The following COL5A2 variants were observed in gnomAD, a reference collection of about 807,000 sequenced individuals.
The protein encoded by COL5A2 is collagen alpha-2(V) chain.
COL5A2 carries 23 observed loss-of-function variants against 208.2 expected under a neutral mutation model. The ratio of observed to expected loss-of-function variants is 0.11; its 90% confidence interval spans 0.08 to 0.16. The LOEUF is 0.16. COL5A2 is among the 10% of genes least tolerant of loss of function. The pLI is 1.00. For synonymous variants in COL5A2, 625 were observed against 628.5 expected, an observed-to-expected ratio of 0.99 and a Z score of 0.08; for missense variants, 1,590 against 1,956.4, an observed-to-expected ratio of 0.81 and a Z score of 3.53.
intron 12 of COL5A2, among the ~76,000 whole-genome samples, chr2:189,082,568 T>TTAC (rs1226126744): frequency 6.6e-6 from 1 of 152,242 alleles, no homozygotes; most frequent in Non-Finnish European, 1.5e-5. Context: ...AAATAATTAG[T>TTAC]TAACTTCAGT....
At chr2:189,428,584 C>G in the COL5A2 span, among the ~76,000 whole-genome samples, 1 of 152,036 alleles carries the variant, frequency 6.6e-6, no homozygotes, top group Admixed American at 6.6e-5. Flanking sequence ...TGCCACTGCA[C>G]TCCAGCCTCA....
chr2:189,043,003 T>A, intron 48 of COL5A2, 148 bp downstream of exon 48: 2 of 781,444 alleles, frequency 2.6e-6, no homozygotes, highest in South Asian at 3.1e-5. Flanking sequence ...TTATTGGCAA[T>A]TATCACTTGT....
chr2:189,255,528 C>T, the COL5A2 span, among the ~76,000 whole-genome samples: 2 of 152,164 alleles, frequency 1.3e-5, no homozygotes, highest in African/African-American at 2.4e-5. Context: ...AGAAAGACTA[C>T]ATTTATATTG....
chr2:189,378,664 C>T, the COL5A2 span, among the ~76,000 whole-genome samples: 5 of 149,862 alleles, frequency 3.3e-5, no homozygotes, highest in African/African-American at 1.2e-4. Flanking sequence ...GCGGAGCTTG[C>T]AGTGAGCAGA....
the COL5A2 span, among the ~76,000 whole-genome samples, chr2:189,351,363 T>C: frequency 6.6e-6 from 1 of 152,200 alleles, no homozygotes; most frequent in Non-Finnish European, 1.5e-5. Flanking sequence ...ACCTGGAATT[T>C]GGAAACAACC....
chr2:189,121,480 G>A (rs1424873043), intron 1 of COL5A2, among the ~76,000 whole-genome samples: 3 of 151,974 alleles, frequency 2.0e-5, no homozygotes, highest in African/African-American at 7.3e-5. Context: ...CAACTGGTAT[G>A]TCCATGGGAA....
chr2:189,311,166 C>A, the COL5A2 span: 2 of 702,316 alleles, frequency 2.8e-6, no homozygotes, highest in Non-Finnish European at 4.9e-6. Context: ...CACTGCACAG[C>A]CACTTTACAA....
the COL5A2 span, among the ~76,000 whole-genome samples, chr2:189,323,036 A>C: frequency 2.6e-5 from 4 of 152,222 alleles, no homozygotes; most frequent in African/African-American, 9.6e-5. Context: ...CAATAAACGT[A>C]ATACAGCATA....
At chr2:189,186,805 A>G (rs1688859071) in intron 1 of COL5A2, among the ~76,000 whole-genome samples, 1 of 152,244 alleles carries the variant, frequency 6.6e-6, no homozygotes, top group South Asian at 2.1e-4. Flanking sequence ...AATGCTATCT[A>G]TATCCAAATT....
the COL5A2 span, among the ~76,000 whole-genome samples, chr2:189,301,768 T>G: frequency 1.3e-5 from 2 of 152,164 alleles, no homozygotes; most frequent in Admixed American, 6.5e-5. Flanking sequence ...ATTTGACATA[T>G]TCATAAAATA....
intron 1 of COL5A2, among the ~76,000 whole-genome samples, chr2:189,114,219 A>G (rs549834570): frequency 1.3e-5 from 2 of 152,308 alleles, no homozygotes; most frequent in Admixed American, 6.5e-5. Context: ...ACAAGAATCC[A>G]TACACATCAC....
At chr2:189,073,611 A>G (rs1290554097) in intron 17 of COL5A2, among the ~76,000 whole-genome samples, 2 of 152,144 alleles carry the variant, frequency 1.3e-5, no homozygotes, top group Admixed American at 1.3e-4. Context: ...GAACAGATAA[A>G]GTTTACTACA....
chr2:189,035,129 A>C lies in COL5A2; in HGVS notation c.4140T>G (p.Pro1380=). Residue 1380 remains proline (P), a synonymous_variant, in exon 53 of 54, where the codon CCT becomes CCG. Coordinates refer to ENST00000374866, the MANE Select transcript of COL5A2 (RefSeq NM_000393.5). ...SQFAYGDHQS[P]NTAITQMTFL... is the part of the protein sequence containing the mutation. ...AAGTCATCTGAGTAATGGCTGTATT[A>C]GGTGATTGGTGGTCTCCATAAGCGA... is the stretch of plus-strand genomic sequence containing the variant. 1 of 1,613,912 alleles carries C rather than the reference A, an allele frequency of 6.2e-7. No homozygotes were observed. Among genetic ancestry groups the C allele is most frequent in the Non-Finnish European group, 8.5e-7 (1 of 1,179,868 alleles).
rs749459221 is a variant in COL5A2, at chr2:189,034,071, T to G, written c.4499A>C (p.Ter1500SerextTer14). 2 of 1,613,984 alleles carry G rather than the reference T, an allele frequency of 1.2e-6. No homozygotes were observed. The highest frequency in any genetic ancestry group is 8.5e-7 in the Non-Finnish European group (1 of 1,179,886). ...ATTGTCGATGTGTCTTGGCTTACTTTACACAAAACAAACTGGCCCAATTTC... is the reference window on the plus strand; with the variant it reads ...ATTGTCGATGTGTCTTGGCTTACTTGACACAAAACAAACTGGCCCAATTTC... ...GVEIGPVCFV[*>S] Residue 1500 changes from the stop codon to serine, a stop_lost, in exon 54 of 54, where the codon TAA becomes TCA. Coordinates refer to ENST00000374866, the MANE Select transcript of COL5A2 (RefSeq NM_000393.5).
intron 1 of COL5A2, among the ~76,000 whole-genome samples, chr2:189,205,819 T>C (rs1365143974): frequency 6.6e-6 from 1 of 152,196 alleles, no homozygotes; most frequent in African/African-American, 2.4e-5. Flanking sequence ...TTTTTATGAA[T>C]TAGAAGTTTG....
chr2:189,307,441 G>A, the COL5A2 span, among the ~76,000 whole-genome samples: 1 of 152,078 alleles, frequency 6.6e-6, no homozygotes, highest in Non-Finnish European at 1.5e-5. Flanking sequence ...GCAGAAAGAG[G>A]AAATTCAGTA....
intron 50 of COL5A2, among the ~76,000 whole-genome samples, chr2:189,040,394 A>G (rs1685535395): frequency 1.3e-5 from 2 of 151,796 alleles, no homozygotes; most frequent in Admixed American, 1.3e-4. Flanking sequence ...TAAGCACAAA[A>G]AGTGGCAGAG....
intron 2 of COL5A2, among the ~76,000 whole-genome samples, chr2:189,109,339 G>A (rs1369735460): frequency 6.6e-6 from 1 of 151,832 alleles, no homozygotes; most frequent in East Asian, 1.9e-4. Flanking sequence ...AGTGAGTGTA[G>A]GTATTTACCC....
chr2:189,318,734 T>A, the COL5A2 span, among the ~76,000 whole-genome samples: 4 of 152,214 alleles, frequency 2.6e-5, no homozygotes, highest in African/African-American at 7.2e-5. Flanking sequence ...GCAAATATCA[T>A]CACTTCATCT....
Sources: gnomAD v4.1 joint callset for allele counts (sites outside exome capture counted in the v4.1 genomes callset) on GRCh38, gnomAD v4.1.1 for gene constraint, MANE v1.5 for transcripts, NCBI Gene and HGNC (gene_info 2026-07-23, HGNC 2026-07-21) for gene names.